The following THSD4 variants were observed in gnomAD, a reference collection of about 807,000 sequenced individuals.
The protein encoded by THSD4 is thrombospondin type 1 domain containing 4, also known as thrombospondin type-1 domain-containing protein 4.
A neutral mutation model predicts 119.0 loss-of-function variants in THSD4; 69 were observed. The observed-to-expected ratio is 0.58, with a 90% CI of 0.48 to 0.71. The LOEUF (loss-of-function observed/expected upper bound fraction) is 0.71, where lower values mean the gene tolerates loss of function less well. THSD4 is among the 30% of genes least tolerant of loss of function. The pLI, the probability that THSD4 is intolerant of heterozygous loss-of-function variation, is 0.00. For missense variants in THSD4, 1,393 were observed against 1,391.1 expected (o/e 1.00, Z -0.02); for synonymous variants, 524 against 540.4 (o/e 0.97, Z 0.42).
chr15:71,434,434 C>CTT (rs34097873), intron 7 of THSD4, among the ~76,000 whole-genome samples: 25,478 of 82,204 alleles, frequency 0.31, 5,112 homozygotes, highest in Non-Finnish European at 0.39. Flanking sequence ...TCAGTGGTCC[C>CTT]TTTTTTTTTT....
chr15:71,135,991 GTTTTTTTTTTTTT>G (rs10540241), intron 1 of THSD4, among the ~76,000 whole-genome samples: 1 of 69,126 alleles, frequency 1.4e-5, no homozygotes, highest in Non-Finnish European at 2.7e-5. Flanking sequence ...GTTTAGTTTA[GTTTTTTTTTTTTT>G]TTTTTTTTTT....
intron 6 of THSD4, among the ~76,000 whole-genome samples, chr15:71,396,730 A>C (rs2140478157): frequency 6.6e-6 from 1 of 152,238 alleles, no homozygotes. Flanking sequence ...CCCCTTTCCA[A>C]CTTACTTTTT....
rs543768491 is a variant in THSD4 at position 71,600,076 on chromosome 15, G to A, written c.1153-60454G>A. 5.9e-5 allele frequency among the ~76,000 whole-genome samples: 9 copies of A among 152,354 alleles called. No homozygotes were observed. In the South Asian group the frequency reaches 1.9e-3, roughly 32 times the overall value. ...AAGTGACTGATTTTGGGCAGCCAAA[G>A]TGTTTCTTTTTTAAGACTAAAACAG... On this transcript the variant is annotated intron_variant, in intron 7 of 17. Transcript: ENST00000261862.
chr15:71,521,861 A>G (rs1567019704), intron 7 of THSD4, among the ~76,000 whole-genome samples: 1 of 152,206 alleles, frequency 6.6e-6, no homozygotes, highest in Non-Finnish European at 1.5e-5. Flanking sequence ...AGATGCCAAA[A>G]TGAGTAAGCT....
chr15:71,381,425 A>G (rs1354379786), intron 6 of THSD4, among the ~76,000 whole-genome samples: 1 of 152,200 alleles, frequency 6.6e-6, no homozygotes, highest in East Asian at 1.9e-4. Context: ...GTTAATATTT[A>G]ATTAAGTTTT....
At chr15:71,628,183 A>G (rs899622654) in intron 7 of THSD4, among the ~76,000 whole-genome samples, 3 of 152,198 alleles carry the variant, frequency 2.0e-5, no homozygotes, top group Admixed American at 1.3e-4. Flanking sequence ...GGATACACTC[A>G]GGGTTGAAAA....
At position 71,320,084 on chromosome 15, in the gene THSD4, G is replaced by A. The variant is rs139476798; in HGVS notation, c.1015+63369G>A. Among the ~76,000 whole-genome samples the A allele has an allele frequency of 2.0e-5, 3 of 152,204 alleles. No individual in the cohort carries two copies. In the East Asian group the frequency reaches 5.8e-4, roughly 29 times the overall value. ...GGGAAATGCTAACTCAGAAATTAACGTTTGCTGAACCCAGAGTCCACTGGG... is the reference window on the plus strand; with the variant it reads ...GGGAAATGCTAACTCAGAAATTAACATTTGCTGAACCCAGAGTCCACTGGG... On this transcript the variant is annotated intron_variant, in intron 6 of 17. Coordinates refer to ENST00000261862, the MANE Select transcript of THSD4 (RefSeq NM_024817.3).
At chr15:71,126,141 C>T (rs2040453779) in intron 1 of THSD4, among the ~76,000 whole-genome samples, 1 of 152,212 alleles carries the variant, frequency 6.6e-6, no homozygotes, top group Non-Finnish European at 1.5e-5. Flanking sequence ...ATCTCCGGGA[C>T]ACTAATTCTT....
intron 7 of THSD4, among the ~76,000 whole-genome samples, chr15:71,597,925 A>G (rs914126555): frequency 6.6e-6 from 1 of 152,124 alleles, no homozygotes; most frequent in East Asian, 1.9e-4. Context: ...TCCCTCAGAT[A>G]TTTAGTGAGC....
intron 7 of THSD4, among the ~76,000 whole-genome samples, chr15:71,459,794 C>T (rs2047402233): frequency 6.6e-6 from 1 of 152,060 alleles, no homozygotes; most frequent in East Asian, 1.9e-4. Flanking sequence ...TTGTGTGCTG[C>T]TTTGAACTAG....
chr15:71,200,896 G>T (rs10468048), intron 3 of THSD4, among the ~76,000 whole-genome samples: 9,321 of 152,200 alleles, frequency 0.061, 1,014 homozygotes, highest in African/African-American at 0.21. Context: ...CATGTCTCGC[G>T]AGCAGCCGCC....
chr15:71,481,718 G>T (rs2047733042), intron 7 of THSD4, among the ~76,000 whole-genome samples: 1 of 152,110 alleles, frequency 6.6e-6, no homozygotes, highest in Non-Finnish European at 1.5e-5. Context: ...GTACGTATAT[G>T]CTCATAGTTG....
chr15:71,153,606 T>A (rs1475868408), intron 2 of THSD4, among the ~76,000 whole-genome samples: 4 of 152,146 alleles, frequency 2.6e-5, no homozygotes, highest in African/African-American at 9.7e-5. Context: ...AATTTTGGAT[T>A]CTTAGAAATG....
chr15:71,314,913 A>G (rs115110474), intron 6 of THSD4, among the ~76,000 whole-genome samples: 2,327 of 152,030 alleles, frequency 0.015, 55 homozygotes, highest in African/African-American at 0.054. Context: ...ACTGTCAAGT[A>G]TTCTTATACT....
chr15:71,548,286 A>T (rs2048870781), intron 7 of THSD4, among the ~76,000 whole-genome samples: 1 of 152,160 alleles, frequency 6.6e-6, no homozygotes, highest in African/African-American at 2.4e-5. Flanking sequence ...TGCCTGAGTA[A>T]CGAAAGGACA....
At chr15:71,160,087 T>A (rs76623881) in intron 3 of THSD4, among the ~76,000 whole-genome samples, 7,519 of 152,212 alleles carry the variant, frequency 0.049, 270 homozygotes, top group African/African-American at 0.1. Context: ...CATATGGTTT[T>A]TGTCTTTCTT....
In THSD4 at chr15:71,543,837, G is replaced by C. The variant is rs533935425; in HGVS notation, c.1153-116693G>C. Among the ~76,000 whole-genome samples, 5 of 152,268 alleles carry C rather than the reference G, an allele frequency of 3.3e-5. No homozygotes were observed. In the East Asian group the frequency reaches 9.7e-4, roughly 29 times the overall value. ...GAGGTTGGGAGTTCGAGACCTGCCTGACCAACATGGAGAAACCCTGTCTCT... is the reference window on the plus strand; with the variant it reads ...GAGGTTGGGAGTTCGAGACCTGCCTCACCAACATGGAGAAACCCTGTCTCT... On this transcript the variant is annotated intron_variant, in intron 7 of 17. Transcript: ENST00000261862.
At chr15:71,571,985 C>T (rs376791117) in intron 7 of THSD4, among the ~76,000 whole-genome samples, 1 of 152,168 alleles carries the variant, frequency 6.6e-6, no homozygotes, top group East Asian at 1.9e-4. Flanking sequence ...CATGTCTCTG[C>T]CAATCCTAAC....
At chr15:71,172,702 T>C (rs76855308) in intron 3 of THSD4, among the ~76,000 whole-genome samples, 1 of 103,068 alleles carries the variant, frequency 9.7e-6, no homozygotes, top group African/African-American at 5.0e-5. Context: ...TATATATATA[T>C]ATATATATAT....
Sources: allele counts gnomAD v4.1 joint callset (sites outside exome capture counted in the v4.1 genomes callset), GRCh38; gene constraint gnomAD v4.1.1; transcripts MANE v1.5; gene names NCBI Gene and HGNC (gene_info 2026-07-23, HGNC 2026-07-21).